TLR2: variants seen among roughly 807,000 people sequenced by gnomAD.
TLR2 encodes toll-like receptor 2.
TLR2 carries 7 observed loss-of-function variants against 9.1 expected under a neutral mutation model. That is an observed-to-expected ratio of 0.77 (90% CI 0.44 to 1.44). The LOEUF (loss-of-function observed/expected upper bound fraction) is 1.44. Ranked by LOEUF, TLR2 falls within the 40% of genes most tolerant of loss-of-function variation. The pLI is 0.01. For synonymous variants in TLR2, 317 were observed against 344.6 expected (o/e 0.92, Z 0.89); for missense variants, 812 against 904.6 (o/e 0.90, Z 1.31).
rs1452005973 is a variant in TLR2 at position 153,704,485 on chromosome 4, G to C, written c.1578G>C (p.Lys526Asn). 2 of 1,613,978 alleles carry C rather than the reference G, an allele frequency of 1.2e-6. No homozygotes were observed. Among genetic ancestry groups the C allele is most frequent in the African/African-American group, 2.7e-5 (2 of 74,900 alleles). The change falls in exon 3 of 3, where the codon AAG (lysine) becomes AAC (asparagine). Residue 526 changes from lysine to asparagine, a missense_variant. Lys to Asn is a moderately conservative substitution (Grantham distance 94). Transcript: ENST00000642700. ...AACTTGACTCATTTCACACACTGAA[G>C]ACTTTGGAAGCTGGTGGCAATAACT... ...KEQLDSFHTL[K>N]TLEAGGNNFI...
At chr4:153,692,456 T>A (rs1035681510) in intron 2 of TLR2, among the ~76,000 whole-genome samples, 37 of 152,342 alleles carry the variant, frequency 2.4e-4, no homozygotes, top group Non-Finnish European at 4.4e-4. Context: ...GCCATTGTGC[T>A]ATCCAAATTG....
In TLR2 at chr4:153,700,235, G is replaced by A. The variant is rs536989135; in HGVS notation, c.-16-2657G>A. Among the ~76,000 whole-genome samples, 7 of 152,244 alleles carry A rather than the reference G, an allele frequency of 4.6e-5. No homozygotes were observed. The South Asian group carries it at 1.2e-3, about 27-fold the overall frequency. On this transcript the variant is annotated intron_variant, in intron 2 of 2. Transcript: ENST00000642700. The stretch of plus-strand genomic sequence containing the variant: ...TCATGACCCAAACGCTTTCCACCAG[G>A]TCCTACCTTCAACACTGGGGATCAC...
At position 153,690,247 on chromosome 4, in the gene TLR2, A is replaced by G. The variant is rs574641213; in HGVS notation, c.-17+2200A>G. Among the ~76,000 whole-genome samples, 295 of 152,338 alleles carry G rather than the reference A, an allele frequency of 1.9e-3. 1 individual carries two copies. Among genetic ancestry groups the G allele is most frequent in the African/African-American group, 5.9e-3 (245 of 41,586 alleles). ...CAAAAAATTTAAAGTCATTAATGCT[A>G]GATTCAGTTGTATATGGGGTGTCCT... On this transcript the variant is annotated intron_variant, in intron 2 of 2. Transcript: ENST00000642700.
Position 153,703,073 on chromosome 4 carries a change from A to G in TLR2, c.166A>G (p.Ser56Gly). 1 of 1,614,102 alleles carries G rather than the reference A, an allele frequency of 6.2e-7. No individual in the cohort carries two copies. The highest frequency in any genetic ancestry group is 8.5e-7 in the Non-Finnish European group (1 of 1,180,022). The change falls in exon 3 of 3, where the codon AGC becomes GGC. Residue 56 changes from serine (S) to glycine (G), a missense_variant. Physicochemically the swap from Ser to Gly is moderately conservative, Grantham distance 56. Coordinates refer to ENST00000642700, the MANE Select transcript of TLR2 (RefSeq NM_001318789.2). Reference protein sequence around the residue: ...IPSGLTEAVKSLDLSNNRITY... With the variant: ...IPSGLTEAVKGLDLSNNRITY... ...CTCAGGGCTCACAGAAGCTGTAAAA[A>G]GCCTTGACCTGTCCAACAACAGGAT... is the stretch of plus-strand genomic sequence containing the variant.
chr4:153,709,665 AAAAT>A (rs925020590), downstream of TLR2, among the ~76,000 whole-genome samples: 71 of 152,354 alleles, frequency 4.7e-4, no homozygotes, highest in African/African-American at 1.5e-3. Flanking sequence ...TACTATGAAG[AAAAT>A]AAAAGCAGAG....
intron 2 of TLR2, among the ~76,000 whole-genome samples, chr4:153,699,108 T>G (rs1314829866): frequency 2.0e-5 from 3 of 152,174 alleles, no homozygotes; most frequent in Non-Finnish European, 4.4e-5. Context: ...TAATTAATAG[T>G]GGAGCCTTAG....
At chr4:153,687,020 G>T (rs1266499747) in intron 1 of TLR2, among the ~76,000 whole-genome samples, 1 of 151,904 alleles carries the variant, frequency 6.6e-6, no homozygotes, top group African/African-American at 2.4e-5. Context: ...AAGTAGAAAA[G>T]AACAGAAAAA....
rs1213371386 is a variant in TLR2, at chr4:153,705,710, ACTGT to A, written c.*451_*454del. 6.0e-6 allele frequency: 1 copy of A among 166,788 alleles called. No homozygotes were observed. Among genetic ancestry groups the A allele is most frequent in the African/African-American group, 2.4e-5 (1 of 41,436 alleles). The allele number at this position is 166,788 out of a possible 1,614,324, so 10.3% of individuals were successfully genotyped here. The stretch of plus-strand genomic sequence containing the variant: ...ATGTAAATACTATGTAAATAGTTGT[ACTGT>A]CTTTTTATTTATATTATTATTGTTA... On this transcript the variant is annotated 3_prime_UTR_variant, in exon 3 of 3. Transcript: ENST00000642700.
chr4:153,698,860 T>G (rs527629522), intron 2 of TLR2, among the ~76,000 whole-genome samples: 1 of 152,212 alleles, frequency 6.6e-6, no homozygotes, highest in East Asian at 1.9e-4. Context: ...TTCACTGATA[T>G]TCCAAGTGTG....
In TLR2 at chr4:153,705,149, C is replaced by T. The variant is rs557333891; in HGVS notation, c.2242C>T (p.Arg748Cys). The part of the protein sequence containing the change: ...EPIEKKAIPQ[R>C]FCKLRKIMNT... ...CATTGAGAAAAAAGCCATTCCCCAG[C>T]GCTTCTGCAAGCTGCGGAAGATAAT... Residue 748 changes from arginine to cysteine, a missense_variant, in exon 3 of 3, where the codon CGC becomes TGC. Arg to Cys is a radical substitution (Grantham distance 180). Coordinates refer to ENST00000642700, the MANE Select transcript of TLR2 (RefSeq NM_001318789.2). 204 of 1,614,136 alleles carry T rather than the reference C, an allele frequency of 1.3e-4. No homozygotes were observed. In the South Asian group the frequency reaches 1.4e-3, roughly 11 times the overall value.
In TLR2 at chr4:153,684,313, A is replaced by C. The variant is rs1251972839; in HGVS notation, c.-210A>C. The C allele has an allele frequency of 9.6e-6, 1 of 104,660 alleles. No homozygotes were observed. Among genetic ancestry groups the C allele is most frequent in the Non-Finnish European group, 2.1e-5 (1 of 48,354 alleles). 6.5% of individuals were successfully genotyped at this position (104,660 alleles called of 1,614,324 possible). A position where few individuals can be genotyped will look rare whatever the true frequency, so the allele number is the denominator to read the frequency against. ...TCGGAGGCAGCGAGAAAGCGCAGCC[A>C]GGCGGCTGCTCGGCGTTCTCTCAGG... On this transcript the variant is annotated 5_prime_UTR_variant, in exon 1 of 3. Coordinates refer to ENST00000642700, the MANE Select transcript of TLR2 (RefSeq NM_001318789.2).
chr4:153,704,163 A>G lies in TLR2; in HGVS notation c.1256A>G (p.Asp419Gly), dbSNP rs765541435. The G allele has an allele frequency of 3.1e-6, 5 of 1,613,760 alleles. No individual in the cohort carries two copies. The highest frequency in any genetic ancestry group is 1.1e-5 in the South Asian group (1 of 90,874). Residue 419 changes from aspartate (D) to glycine (G), a missense_variant, in exon 3 of 3, where the codon GAT (aspartate) becomes GGT (glycine). Transcript: ENST00000642700. Reference sequence around the variant, plus strand: ...ACTCTGAAAAACTTGACTAACATTGATATCAGTAAGAATAGTTTTCATTCT... The same window carrying G: ...ACTCTGAAAAACTTGACTAACATTGGTATCAGTAAGAATAGTTTTCATTCT... Reference protein sequence around the residue: ...LLTLKNLTNIDISKNSFHSMP... With the variant: ...LLTLKNLTNIGISKNSFHSMP...
chr4:153,696,073 A>T (rs1405810344), intron 2 of TLR2, among the ~76,000 whole-genome samples: 3 of 152,086 alleles, frequency 2.0e-5, no homozygotes, highest in Admixed American at 6.6e-5. Flanking sequence ...TTTAGTTACT[A>T]TAGCTCTGTA....
rs1274175169 is a variant in TLR2, at chr4:153,705,012, T to A, written c.2105T>A (p.Val702Glu). 3 of 1,613,708 alleles carry A rather than the reference T, an allele frequency of 1.9e-6. No individual in the cohort carries two copies. The highest frequency in any genetic ancestry group is 2.5e-6 in the Non-Finnish European group (3 of 1,180,044). The change falls in exon 3 of 3, where the codon GTG (valine) becomes GAG (glutamate). Residue 702 changes from valine to glutamate, a missense_variant. Val to Glu is a moderately radical substitution (Grantham distance 121). Transcript: ENST00000642700. The part of the protein sequence containing the change: ...SIEKSHKTVF[V>E]LSENFVKSEW... The stretch of plus-strand genomic sequence containing the variant: ...GAAAAGAGCCACAAAACTGTCTTTG[T>A]GCTTTCTGAAAACTTTGTGAAGAGT...
chr4:153,700,555 G>GT (rs965735005), intron 2 of TLR2, among the ~76,000 whole-genome samples: 13 of 152,022 alleles, frequency 8.6e-5, no homozygotes, highest in East Asian at 3.9e-4. Flanking sequence ...AGTGGACTTT[G>GT]TTTTTTTGAA....
rs145063515 is a variant in TLR2 at position 153,693,156 on chromosome 4, C to T, written c.-17+5109C>T. 1.6e-3 allele frequency among the ~76,000 whole-genome samples: 239 copies of T among 152,262 alleles called. 1 individual carries two copies. Among genetic ancestry groups the T allele is most frequent in the Non-Finnish European group, 1.8e-3 (120 of 68,020 alleles). Reference sequence around the variant, plus strand: ...AAGTAGATATAACAATTTGAATTTCCCCTTTGTAATCTGAATCAATGACTC... The same window carrying T: ...AAGTAGATATAACAATTTGAATTTCTCCTTTGTAATCTGAATCAATGACTC... On this transcript the variant is annotated intron_variant, in intron 2 of 2. Transcript: ENST00000642700.
At chr4:153,695,439 CTT>C (rs1198548484) in intron 2 of TLR2, among the ~76,000 whole-genome samples, 5 of 152,076 alleles carry the variant, frequency 3.3e-5, no homozygotes, top group Non-Finnish European at 7.4e-5. Flanking sequence ...TGTTGAGCAC[CTT>C]TTTATATATC....
chr4:153,700,794 C>A (rs11938228), intron 2 of TLR2, among the ~76,000 whole-genome samples: 49,370 of 151,944 alleles, frequency 0.32, 8,943 homozygotes, highest in South Asian at 0.55. Flanking sequence ...TAGGGATAGA[C>A]AAATGAACAT....
chr4:153,698,410 A>G (rs944928357), intron 2 of TLR2, among the ~76,000 whole-genome samples: 2 of 152,190 alleles, frequency 1.3e-5, no homozygotes, highest in African/African-American at 2.4e-5. Context: ...GAACAGCATC[A>G]TGCACCTGAA....
Sources: allele counts gnomAD v4.1 joint callset (sites outside exome capture counted in the v4.1 genomes callset), GRCh38; gene constraint gnomAD v4.1.1; transcripts MANE v1.5; gene names NCBI Gene and HGNC (gene_info 2026-07-23, HGNC 2026-07-21).